Variants in ACYP2 observed in about 807,000 individuals in gnomAD.
ACYP2 encodes acylphosphatase-2.
ACYP2 carries 12 observed loss-of-function variants against 11.2 expected under a neutral mutation model. The observed-to-expected ratio is 1.08, with a 90% CI of 0.69 to 1.74. The LOEUF is 1.74. ACYP2 is among the 40% of genes most tolerant of loss of function. ACYP2 has a pLI of 0.00. For missense variants in ACYP2, 134 were observed against 101.9 expected (o/e 1.31, Z -1.35); for synonymous variants, 43 against 32.2 (o/e 1.33, Z -1.13).
At chr2:54,154,841 A>G (rs887232660) in intron 6 of ACYP2, among the ~76,000 whole-genome samples, 1 of 152,222 alleles carries the variant, frequency 6.6e-6, no homozygotes, top group South Asian at 2.1e-4. Context: ...GAGTTCAAAA[A>G]GGATTGATAT....
At chr2:54,099,180 A>G (rs148866190) in intron 4 of ACYP2, among the ~76,000 whole-genome samples, 8 of 152,316 alleles carry the variant, frequency 5.3e-5, no homozygotes, top group Non-Finnish European at 7.3e-5. Context: ...AAAATTGTAT[A>G]CATTTATGGT....
chr2:54,188,337 C>G (rs2103881625), intron 6 of ACYP2, among the ~76,000 whole-genome samples: 1 of 152,238 alleles, frequency 6.6e-6, no homozygotes, highest in Non-Finnish European at 1.5e-5. Flanking sequence ...TACACAGAAA[C>G]TCAATAAAGT....
intron 6 of ACYP2, among the ~76,000 whole-genome samples, chr2:54,149,472 A>C (rs916448893): frequency 3.9e-5 from 6 of 152,210 alleles, no homozygotes; most frequent in African/African-American, 1.4e-4. Context: ...TTTTTGATGC[A>C]TAAGGACTGT....
At chr2:54,215,299 T>TGA (rs1685514443) in intron 6 of ACYP2, among the ~76,000 whole-genome samples, 1 of 152,150 alleles carries the variant, frequency 6.6e-6, no homozygotes, top group Non-Finnish European at 1.5e-5. Context: ...ATAGGAATGG[T>TGA]GAGAGAGGGC....
intron 6 of ACYP2, among the ~76,000 whole-genome samples, chr2:54,164,733 T>C (rs1331771629): frequency 1.3e-5 from 2 of 152,188 alleles, no homozygotes; most frequent in Non-Finnish European, 2.9e-5. Context: ...GGGATACATG[T>C]GCAGAACGTG....
intron 2 of ACYP2, chr2:53,973,873 G>T: frequency 9.0e-6 from 1 of 110,878 alleles, no homozygotes; most frequent in African/African-American, 4.5e-5. Flanking sequence ...GTGTGTGTGT[G>T]TGTGTGTGTG....
intron 6 of ACYP2, among the ~76,000 whole-genome samples, chr2:54,258,171 T>C (rs1687637498): frequency 6.6e-6 from 1 of 152,090 alleles, no homozygotes; most frequent in Non-Finnish European, 1.5e-5. Context: ...CATTAGAAAG[T>C]TATAAGTGCT....
chr2:54,104,485 C>T (rs775091811), intron 4 of ACYP2, among the ~76,000 whole-genome samples: 6 of 152,148 alleles, frequency 3.9e-5, no homozygotes, highest in Non-Finnish European at 8.8e-5. Context: ...TTGTAAAGAA[C>T]TTTTCCAGGT....
intron 6 of ACYP2, among the ~76,000 whole-genome samples, chr2:54,231,292 C>G (rs1272275393): frequency 6.6e-6 from 1 of 152,110 alleles, no homozygotes; most frequent in Non-Finnish European, 1.5e-5. Context: ...GAATAAATCT[C>G]TTAAAATATT....
chr2:54,147,948 G>T (rs925137340), intron 6 of ACYP2, among the ~76,000 whole-genome samples: 2 of 151,980 alleles, frequency 1.3e-5, no homozygotes, highest in South Asian at 4.2e-4. Flanking sequence ...ATAAAAAAAG[G>T]GTTCATTTTT....
At chr2:54,190,975 C>T (rs532102897) in intron 6 of ACYP2, among the ~76,000 whole-genome samples, 202 of 152,278 alleles carry the variant, frequency 1.3e-3, no homozygotes, top group African/African-American at 4.6e-3. Context: ...GTTTCTTTCT[C>T]TTCCATCTCT....
At chr2:54,204,050 A>G (rs1191214855) in intron 6 of ACYP2, among the ~76,000 whole-genome samples, 1 of 152,168 alleles carries the variant, frequency 6.6e-6, no homozygotes, top group South Asian at 2.1e-4. Context: ...GCTGGAGTGC[A>G]GTGGCACGAT....
chr2:54,246,799 G>T (rs1007766885), intron 6 of ACYP2, among the ~76,000 whole-genome samples: 2 of 152,082 alleles, frequency 1.3e-5, no homozygotes, highest in Non-Finnish European at 2.9e-5. Context: ...AATACCTCTA[G>T]TGTTGTCCTG....
chr2:54,270,820 T>G (rs1368141511), intron 6 of ACYP2, among the ~76,000 whole-genome samples: 1 of 152,220 alleles, frequency 6.6e-6, no homozygotes, highest in African/African-American at 2.4e-5. Context: ...AGTCACACTT[T>G]CTTTGTTAGT....
chr2:54,192,395 A>G (rs545905313), intron 6 of ACYP2, among the ~76,000 whole-genome samples: 40 of 151,410 alleles, frequency 2.6e-4, no homozygotes, highest in African/African-American at 9.5e-4. Context: ...AATTTTTTTA[A>G]ATTTCACATA....
At chr2:54,080,072 T>C (rs1050421409) in intron 4 of ACYP2, 1 of 205,548 alleles carries the variant, frequency 4.9e-6, no homozygotes, top group African/African-American at 2.3e-5. Context: ...CCTGACTACC[T>C]TGCTGTGAAT....
At chr2:54,259,775 G>C (rs534281983) in intron 6 of ACYP2, among the ~76,000 whole-genome samples, 1 of 152,248 alleles carries the variant, frequency 6.6e-6, no homozygotes, top group African/African-American at 2.4e-5. Flanking sequence ...GACAAGAGTA[G>C]TCAAGCTACT....
intron 6 of ACYP2, among the ~76,000 whole-genome samples, chr2:54,226,333 T>G (rs1480531513): frequency 6.6e-6 from 1 of 152,260 alleles, no homozygotes; most frequent in Non-Finnish European, 1.5e-5. Flanking sequence ...AATTTTTATG[T>G]GCATTTCGAG....
intron 4 of ACYP2, chr2:54,080,535 C>G (rs926912177): frequency 2.0e-5 from 3 of 152,196 alleles, no homozygotes; most frequent in Non-Finnish European, 2.9e-5. Flanking sequence ...GTTGCCCAGG[C>G]TGGAGTGCAG....
Sources: allele counts gnomAD v4.1 joint callset (sites outside exome capture counted in the v4.1 genomes callset), GRCh38; gene constraint gnomAD v4.1.1; transcripts MANE v1.5; gene names NCBI Gene and HGNC (gene_info 2026-07-23, HGNC 2026-07-21).